Variants in MARCHF1 observed in about 807,000 individuals in gnomAD.
The protein encoded by MARCHF1 is membrane associated ring-CH-type finger 1.
In MARCHF1, 40 loss-of-function variants were observed where a neutral mutation model predicts 54.2. The ratio of observed to expected loss-of-function variants is 0.74; its 90% CI spans 0.57 to 0.96. MARCHF1 has a LOEUF of 0.96. MARCHF1 is among the 40% of genes least tolerant of loss of function. The pLI, the probability that MARCHF1 is intolerant of heterozygous loss-of-function variation, is 0.00. For synonymous variants in MARCHF1, 236 were observed against 236.3 expected, an observed-to-expected ratio of 1.00 and a Z score of 0.01; for missense variants, 586 against 656.5, an observed-to-expected ratio of 0.89 and a Z score of 1.17.
At chr4:164,043,054 G>T (rs1754162557) in intron 2 of MARCHF1, among the ~76,000 whole-genome samples, 1 of 152,216 alleles carries the variant, frequency 6.6e-6, no homozygotes, top group Non-Finnish European at 1.5e-5. Context: ...TCATGGGCTG[G>T]CGTTGAGTGC....
chr4:164,224,183 T>C (rs937041998), intron 1 of MARCHF1, among the ~76,000 whole-genome samples: 19 of 151,672 alleles, frequency 1.3e-4, no homozygotes, highest in African/African-American at 4.4e-4. Context: ...TTCTATTTTG[T>C]GTCTGCAGCA....
At chr4:163,890,003 C>A (rs1369131575) in intron 3 of MARCHF1, among the ~76,000 whole-genome samples, 14 of 141,964 alleles carry the variant, frequency 9.9e-5, no homozygotes, top group Non-Finnish European at 2.1e-4. Context: ...CGGCTCACTG[C>A]AAGCTCCGCC....
At chr4:163,735,661 C>A (rs1746012662) in intron 4 of MARCHF1, among the ~76,000 whole-genome samples, 1 of 152,170 alleles carries the variant, frequency 6.6e-6, no homozygotes, top group Admixed American at 6.6e-5. Context: ...CTAATCACCT[C>A]TTATAGACCG....
intron 5 of MARCHF1, among the ~76,000 whole-genome samples, chr4:163,665,162 T>C (rs78312187): frequency 0.012 from 1,868 of 152,190 alleles, 40 homozygotes; most frequent in African/African-American, 0.042. Context: ...TTAAGGCAAA[T>C]TGATTCTGTC....
chr4:163,846,549 G>C (rs939388523), intron 4 of MARCHF1, among the ~76,000 whole-genome samples: 1 of 152,026 alleles, frequency 6.6e-6, no homozygotes, highest in Non-Finnish European at 1.5e-5. Flanking sequence ...TCTTTGTAAG[G>C]ACAAATTTAC....
intron 4 of MARCHF1, among the ~76,000 whole-genome samples, chr4:163,725,051 C>T (rs889753687): frequency 2.0e-5 from 3 of 152,108 alleles, no homozygotes; most frequent in African/African-American, 7.2e-5. Flanking sequence ...GTGAGATGAA[C>T]CCAGTACCTC....
At chr4:164,246,317 C>A (rs2111229318) in intron 1 of MARCHF1, among the ~76,000 whole-genome samples, 1 of 43,630 alleles carries the variant, frequency 2.3e-5, no homozygotes, top group African/African-American at 5.7e-5. Context: ...ACTATCTGAT[C>A]TTTGACAAAC....
At chr4:164,238,360 G>A (rs1268395812) in intron 1 of MARCHF1, among the ~76,000 whole-genome samples, 3 of 152,002 alleles carry the variant, frequency 2.0e-5, no homozygotes, top group African/African-American at 7.2e-5. Context: ...ATCAACAGTT[G>A]ACCAGGCTTA....
At chr4:163,594,493 T>C (rs1340471080) in intron 7 of MARCHF1, among the ~76,000 whole-genome samples, 4 of 150,458 alleles carry the variant, frequency 2.7e-5, no homozygotes, top group Non-Finnish European at 4.4e-5. Flanking sequence ...CCAGTGCCAA[T>C]ACACACACAC....
intron 4 of MARCHF1, among the ~76,000 whole-genome samples, chr4:163,842,321 A>G (rs927472983): frequency 6.6e-6 from 1 of 152,058 alleles, no homozygotes; most frequent in African/African-American, 2.4e-5. Flanking sequence ...CAGTATCTAC[A>G]TTAGAGGCCT....
intron 3 of MARCHF1, among the ~76,000 whole-genome samples, chr4:163,864,575 C>G (rs1224761289): frequency 6.6e-6 from 1 of 151,874 alleles, no homozygotes; most frequent in African/African-American, 2.4e-5. Context: ...TATTGATTCA[C>G]TAATTGTAAT....
chr4:163,612,540 C>T lies in MARCHF1; in HGVS notation c.741G>A (p.Leu247=), dbSNP rs1344947431. 3.9e-6 allele frequency: 6 copies of T among 1,535,362 alleles called. No individual in the cohort carries two copies. The highest frequency in any genetic ancestry group is 1.7e-4 in the Middle Eastern group (1 of 6,000). ...TCTTAATTTCAGAGGACCCTTGAGT[C>T]AGAGAAGGGTTGCATTCTTGGTACC... ...HTRYQECNPS[L]TQGSSEIKRS... is the part of the protein sequence containing the mutation. The change falls in exon 7 of 10, where the codon CTG becomes CTA. Residue 247 remains leucine (L), a synonymous_variant. Coordinates refer to ENST00000514618, the MANE Select transcript of MARCHF1 (RefSeq NM_001394959.1).
At chr4:164,152,627 T>G (rs753388303) in intron 1 of MARCHF1, among the ~76,000 whole-genome samples, 1 of 152,196 alleles carries the variant, frequency 6.6e-6, no homozygotes, top group Non-Finnish European at 1.5e-5. Context: ...CCCTTTGTTT[T>G]CCTTCTTTCC....
intron 4 of MARCHF1, among the ~76,000 whole-genome samples, chr4:163,839,049 CATAATA>C (rs1313827971): frequency 6.6e-6 from 1 of 151,884 alleles, no homozygotes; most frequent in Non-Finnish European, 1.5e-5. Context: ...ACTCTGACAA[CATAATA>C]ATAGAAAGTT....
intron 4 of MARCHF1, among the ~76,000 whole-genome samples, chr4:163,721,059 C>T (rs1745437832): frequency 6.6e-6 from 1 of 152,156 alleles, no homozygotes; most frequent in South Asian, 2.1e-4. Flanking sequence ...GAACTTCCAA[C>T]ACTGTGTTGA....
chr4:164,088,629 T>G (rs1008609678), intron 2 of MARCHF1, among the ~76,000 whole-genome samples: 4 of 152,032 alleles, frequency 2.6e-5, no homozygotes, highest in Admixed American at 2.6e-4. Flanking sequence ...TCCCAGCTAC[T>G]AGGGAAACTG....
chr4:164,009,566 T>C (rs1753373721), intron 2 of MARCHF1, among the ~76,000 whole-genome samples: 1 of 152,078 alleles, frequency 6.6e-6, no homozygotes, highest in South Asian at 2.1e-4. Context: ...CAAACTGAAA[T>C]CAACAACATG....
At chr4:164,190,347 G>C (rs949608531) in intron 1 of MARCHF1, 34 of 630,392 alleles carry the variant, frequency 5.4e-5, no homozygotes, top group Non-Finnish European at 9.2e-5. Context: ...ACACAGATCT[G>C]CTACTGCTGT....
chr4:164,068,656 C>T lies in MARCHF1; in HGVS notation c.-248+42932G>A, dbSNP rs539963456. ...CTCCCCCACCTGCCATGGGCTCATGCGCAGACTGAGCCTCCCTGACGAGTG... is the reference window on the plus strand; with the variant it reads ...CTCCCCCACCTGCCATGGGCTCATGTGCAGACTGAGCCTCCCTGACGAGTG... On this transcript the variant is annotated intron_variant, in intron 2 of 9. Transcript: ENST00000514618. Among the ~76,000 whole-genome samples the T allele has an allele frequency of 5.0e-3, 760 of 152,268 alleles. 3 individuals carry two copies. Among genetic ancestry groups the T allele is most frequent in the South Asian group, 0.011 (53 of 4,822 alleles).
Sources: gnomAD v4.1 joint callset for allele counts (sites outside exome capture counted in the v4.1 genomes callset) on GRCh38, gnomAD v4.1.1 for gene constraint, MANE v1.5 for transcripts, NCBI Gene and HGNC (gene_info 2026-07-23, HGNC 2026-07-21) for gene names.